Variants in NXN observed in about 807,000 individuals in gnomAD.
NXN encodes nucleoredoxin 1.
A neutral mutation model predicts 48.6 loss-of-function variants in NXN; 16 were observed. The ratio of observed to expected loss-of-function variants is 0.33; its 90% CI spans 0.22 to 0.50. The LOEUF is 0.50. NXN is among the 20% of genes least tolerant of loss of function. The pLI, the probability that NXN is intolerant of heterozygous loss-of-function variation, is 0.98. For missense variants in NXN, 492 were observed against 605.5 expected (o/e 0.81, Z 1.97); for synonymous variants, 281 against 269.6 (o/e 1.04, Z -0.41).
At chr17:971,315 A>G (rs2069375443) in intron 1 of NXN, among the ~76,000 whole-genome samples, 1 of 152,046 alleles carries the variant, frequency 6.6e-6, no homozygotes, top group African/African-American at 2.4e-5. Flanking sequence ...CCTATTTTTG[A>G]GCACAGAATC....
intron 1 of NXN, among the ~76,000 whole-genome samples, chr17:916,760 T>C (rs1442774914): frequency 6.6e-6 from 1 of 152,056 alleles, no homozygotes; most frequent in Non-Finnish European, 1.5e-5. Context: ...TAGCCAGGTG[T>C]GGTGGCGGAC....
At chr17:896,456 G>C (rs1308786045) in intron 1 of NXN, among the ~76,000 whole-genome samples, 1 of 152,074 alleles carries the variant, frequency 6.6e-6, no homozygotes, top group African/African-American at 2.4e-5. Context: ...ACAGTGAGCT[G>C]TGATCGTGCC....
At chr17:821,761 C>T (rs1182449556) in intron 4 of NXN, among the ~76,000 whole-genome samples, 6 of 151,336 alleles carry the variant, frequency 4.0e-5, no homozygotes, top group Non-Finnish European at 7.4e-5. Context: ...AAAAAAAACC[C>T]AAAAAACAAA....
At chr17:842,557 A>G (rs2144718336) in intron 1 of NXN, 1 of 985,446 alleles carries the variant, frequency 1.0e-6, no homozygotes, top group Non-Finnish European at 1.2e-6. Flanking sequence ...CACCTACGGC[A>G]CATCCCGAGA....
At position 967,068 on chromosome 17, in the gene NXN, C is replaced by A. The variant is rs181469712; in HGVS notation, c.360+12251G>T. Among the ~76,000 whole-genome samples the A allele has an allele frequency of 1.8e-3, 270 of 152,206 alleles. 1 individual carries two copies. The highest frequency in any genetic ancestry group is 6.2e-3 in the African/African-American group (259 of 41,542). On this transcript the variant is annotated intron_variant, in intron 1 of 7. Coordinates refer to ENST00000336868, the MANE Select transcript of NXN (RefSeq NM_022463.5). ...AGAGACGGTGACCGTAGGGGCCACT[C>A]TCCCTCAGTAATACACCCTGATTTT...
At chr17:888,111 C>T (rs1251051674) in intron 1 of NXN, among the ~76,000 whole-genome samples, 1 of 152,206 alleles carries the variant, frequency 6.6e-6, no homozygotes, top group East Asian at 1.9e-4. Flanking sequence ...AGGTACCGTA[C>T]GGGGTACAGA....
At chr17:805,023 C>CCCCCCCCCACCCACCCCA in intron 6 of NXN, 45 bp downstream of exon 6, 1 of 1,505,620 alleles carries the variant, frequency 6.6e-7, no homozygotes, top group Non-Finnish European at 9.0e-7. Flanking sequence ...CCTCCTGTCC[C>CCCCCCCCCACCCACCCCA]GCCCCCCAGC....
intron 1 of NXN, among the ~76,000 whole-genome samples, chr17:948,694 G>T (rs1264586299): frequency 1.3e-5 from 2 of 151,940 alleles, no homozygotes; most frequent in East Asian, 1.9e-4. Context: ...GGGTCCCAAC[G>T]CGGGGCCTCA....
chr17:953,691 T>A (rs1414295653), intron 1 of NXN, among the ~76,000 whole-genome samples: 1 of 152,168 alleles, frequency 6.6e-6, no homozygotes, highest in Non-Finnish European at 1.5e-5. Context: ...CAGAGGCTCG[T>A]ATCTGTCATC....
chr17:958,353 A>G lies in NXN; in HGVS notation c.360+20966T>C, dbSNP rs976259819. On this transcript the variant is annotated intron_variant, in intron 1 of 7. Coordinates refer to ENST00000336868, the MANE Select transcript of NXN (RefSeq NM_022463.5). The surrounding 1 kb of genome is among the most constrained non-coding windows in gnomAD (Gnocchi z 6.9). Reference sequence around the variant, plus strand: ...ACCCTACGCTAAAGCAAAGCCTTCAAAAACTGGAAGCAGCAGGGCGCGGTG... The same window carrying G: ...ACCCTACGCTAAAGCAAAGCCTTCAGAAACTGGAAGCAGCAGGGCGCGGTG... Among the ~76,000 whole-genome samples the G allele has an allele frequency of 3.3e-5, 5 of 152,198 alleles. No individual in the cohort carries two copies. The highest frequency in any genetic ancestry group is 7.3e-5 in the Non-Finnish European group (5 of 68,038).
intron 6 of NXN, chr17:804,009 A>C (rs1293959745): frequency 7.9e-6 from 5 of 631,252 alleles, no homozygotes; most frequent in Non-Finnish European, 2.7e-6. Context: ...CAAAGCTCAC[A>C]GTGCTCTCCT....
At chr17:927,445 C>G in intron 1 of NXN, among the ~76,000 whole-genome samples, 1 of 151,546 alleles carries the variant, frequency 6.6e-6, no homozygotes. Context: ...CCCGTCTCCA[C>G]AGAAAATAAA....
rs533849015 is a variant in NXN, at chr17:889,047, A to C, written c.361-62969T>G. On this transcript the variant is annotated intron_variant, in intron 1 of 7. Coordinates refer to ENST00000336868, the MANE Select transcript of NXN (RefSeq NM_022463.5). ...CAAGAACCAGAACGCTGGGGGTTCT[A>C]AGCCTTACAGCACAAAGAGAAAGAC... 2.6e-5 allele frequency among the ~76,000 whole-genome samples: 4 copies of C among 152,262 alleles called. No homozygotes were observed. In the South Asian group the frequency reaches 8.3e-4, roughly 32 times the overall value.
At chr17:841,445 C>CG (rs372878332) in intron 1 of NXN, among the ~76,000 whole-genome samples, 1 of 29,928 alleles carries the variant, frequency 3.3e-5, no homozygotes, top group Non-Finnish European at 7.5e-5. Context: ...CGAGCAGGTC[C>CG]CCCTGACCAC....
At chr17:977,429 G>A (rs1350018881) in intron 1 of NXN, among the ~76,000 whole-genome samples, 1 of 152,248 alleles carries the variant, frequency 6.6e-6, no homozygotes, top group Non-Finnish European at 1.5e-5. Context: ...AATACTTTTT[G>A]TCATGCAAAG....
rs1172702263 is a variant in NXN at position 932,399 on chromosome 17, A to C, written c.360+46920T>G. Among the ~76,000 whole-genome samples the C allele has an allele frequency of 6.6e-6, 1 of 152,132 alleles. No individual in the cohort carries two copies. The highest frequency in any genetic ancestry group is 1.9e-4 in the East Asian group (1 of 5,186). ...GACCTACCAAGTCAAGAACTCTGGGATGGGGCCCAGGAATCCGCATTTAAC... is the reference window on the plus strand; with the variant it reads ...GACCTACCAAGTCAAGAACTCTGGGCTGGGGCCCAGGAATCCGCATTTAAC... On this transcript the variant is annotated intron_variant, in intron 1 of 7. Coordinates refer to ENST00000336868, the MANE Select transcript of NXN (RefSeq NM_022463.5). The surrounding 1 kb of genome is among the most constrained non-coding windows in gnomAD (Gnocchi z 4.1).
chr17:930,615 T>G (rs2068843409), intron 1 of NXN, among the ~76,000 whole-genome samples: 1 of 151,848 alleles, frequency 6.6e-6, no homozygotes, highest in African/African-American at 2.4e-5. Flanking sequence ...AGGAAGGAAG[T>G]GCAGGAGACC....
At chr17:922,552 A>G (rs1397255388) in intron 1 of NXN, among the ~76,000 whole-genome samples, 8 of 152,222 alleles carry the variant, frequency 5.3e-5, no homozygotes, top group Non-Finnish European at 8.8e-5. Context: ...CAAAAGACCC[A>G]GTTAGCCTGA....
chr17:901,990 G>A (rs1481319556), intron 1 of NXN, among the ~76,000 whole-genome samples: 3 of 152,006 alleles, frequency 2.0e-5, no homozygotes, highest in Non-Finnish European at 2.9e-5. Flanking sequence ...GTGAGCCACC[G>A]CACCCGGCCT....
Sources: gnomAD v4.1 joint callset for allele counts (sites outside exome capture counted in the v4.1 genomes callset) on GRCh38, gnomAD v4.1.1 for gene constraint, Gnocchi (gnomAD v3.1) non-coding constraint, MANE v1.5 for transcripts, NCBI Gene and HGNC (gene_info 2026-07-23, HGNC 2026-07-21) for gene names.